The following RAB37 variants were observed in gnomAD, a reference collection of about 807,000 sequenced individuals.
The protein encoded by RAB37 is RAB37, member RAS oncogene family, also known as ras-related protein Rab-37.
RAB37 carries 29 observed loss-of-function variants against 33.1 expected under a neutral mutation model. The ratio of observed to expected loss-of-function variants is 0.88; its 90% CI spans 0.65 to 1.20. RAB37 has a LOEUF of 1.20. Ranked by LOEUF, RAB37 falls within the 50% of genes most tolerant of loss-of-function variation. The pLI is 0.00. For missense variants in RAB37, 299 were observed against 301.1 expected (o/e 0.99, Z 0.05); for synonymous variants, 128 against 119.5 (o/e 1.07, Z -0.47).
intron 1 of RAB37, among the ~76,000 whole-genome samples, chr17:74,723,610 ACT>A (rs2034269440): frequency 7.6e-6 from 1 of 132,150 alleles, no homozygotes; most frequent in Non-Finnish European, 1.5e-5. Flanking sequence ...ACGGAGTCTC[ACT>A]CTGTCGCCCA....
rs1158894985 is a variant in RAB37 at position 74,737,353 on chromosome 17, C to A, written c.81C>A (p.Asp27Glu). 1 of 1,574,290 alleles carries A rather than the reference C, an allele frequency of 6.4e-7. No homozygotes were observed. Among genetic ancestry groups the A allele is most frequent in the South Asian group, 1.1e-5 (1 of 87,032 alleles). The change falls in exon 1 of 9, where the codon GAC becomes GAA. Residue 27 changes from aspartate (D) to glutamate (E), a missense_variant. Transcript: ENST00000392613. ...ERSPPCSPSY[D>E]LTGKVMLLGD... Reference sequence around the variant, plus strand: ...CCCCGCCCTGCAGTCCGAGCTACGACCTCACGGGCAAGGTGGGTGGGCCTC... The same window carrying A: ...CCCCGCCCTGCAGTCCGAGCTACGAACTCACGGGCAAGGTGGGTGGGCCTC...
In RAB37 at chr17:74,745,456, G is replaced by T; in HGVS notation, c.*45G>T. On this transcript the variant is annotated 3_prime_UTR_variant, in exon 9 of 9. Transcript: ENST00000392613. This position sits in a 1 kb window ranked among gnomAD's most constrained non-coding sequence, Gnocchi z 4.5. ...AGGCTCTGGAGGCACACAGGATGCAGCCTTCCCCCTCCCAGGCCTGGCTTA... is the reference window on the plus strand; with the variant it reads ...AGGCTCTGGAGGCACACAGGATGCATCCTTCCCCCTCCCAGGCCTGGCTTA... 6.7e-7 allele frequency: 1 copy of T among 1,489,786 alleles called. No homozygotes were observed. Among genetic ancestry groups the T allele is most frequent in the Non-Finnish European group, 9.4e-7 (1 of 1,067,568 alleles). 92.3% of individuals were successfully genotyped at this position (1,489,786 alleles called of 1,614,324 possible). A position where few individuals can be genotyped will look rare whatever the true frequency, so the allele number is the denominator to read the frequency against.
chr17:74,711,626 C>G (rs962903895), intron 1 of RAB37, among the ~76,000 whole-genome samples: 1 of 152,164 alleles, frequency 6.6e-6, no homozygotes, highest in Admixed American at 6.5e-5. Context: ...GTGCCCAGTC[C>G]AAGCTCATTC....
At position 74,729,484 on chromosome 17, in the gene RAB37, G is replaced by A. The variant is rs1245749079; in HGVS notation, c.183+118G>A. ...CATTGGATCATTCAAGGAGGATTAA[G>A]GAGAAGACTGTTCCCCAAGGTGTAG... is the stretch of plus-strand genomic sequence containing the variant. On this transcript the variant is annotated intron_variant, in intron 2 of 7. Transcript: ENST00000340415. This position sits in a 1 kb window ranked among gnomAD's most constrained non-coding sequence, Gnocchi z 4.2. 172 of 770,842 alleles carry A rather than the reference G, an allele frequency of 2.2e-4. No individual in the cohort carries two copies. The highest frequency in any genetic ancestry group is 1.9e-5 in the Non-Finnish European group (8 of 430,252). 47.8% of individuals were successfully genotyped at this position (770,842 alleles called of 1,614,324 possible).
rs1035279227 is a variant in RAB37, at chr17:74,745,668, C to A, written c.*257C>A. The stretch of plus-strand genomic sequence containing the variant: ...ATACCAAAAAAGGCGCCTGGATCCC[C>A]AAAAAACCGAGGCTGGGAGCTAGTG... On this transcript the variant is annotated 3_prime_UTR_variant, in exon 9 of 9. Transcript: ENST00000392613. This position sits in a 1 kb window ranked among gnomAD's most constrained non-coding sequence, Gnocchi z 4.5. 3.9e-5 allele frequency: 15 copies of A among 384,812 alleles called. No individual in the cohort carries two copies. The highest frequency in any genetic ancestry group is 2.9e-4 in the African/African-American group (14 of 47,726). 23.8% of individuals were successfully genotyped at this position (384,812 alleles called of 1,614,324 possible). A position where few individuals can be genotyped will look rare whatever the true frequency, so the allele number is the denominator to read the frequency against.
rs888582674 is a variant in RAB37 at position 74,720,715 on chromosome 17, G to T, written c.73-8541G>T. On this transcript the variant is annotated intron_variant, in intron 1 of 7. Coordinates refer to the RAB37 transcript ENST00000340415. The stretch of plus-strand genomic sequence containing the variant: ...CAGCCTTTTTACACCCTGCCCTCTT[G>T]GTACAGAGTTAAGTGTTAACCAGCT... Among the ~76,000 whole-genome samples, 3 of 152,182 alleles carry T rather than the reference G, an allele frequency of 2.0e-5. No homozygotes were observed. In the East Asian group the frequency reaches 5.8e-4, roughly 29 times the overall value.
upstream of RAB37, chr17:74,736,683 C>T (rs1161237826): frequency 2.0e-6 from 3 of 1,535,736 alleles, no homozygotes; most frequent in Non-Finnish European, 2.6e-6. Context: ...GTCAAAGTCC[C>T]CGCACCAGGC....
intron 1 of RAB37, among the ~76,000 whole-genome samples, chr17:74,720,704 C>A (rs1355664271): frequency 6.6e-6 from 1 of 152,126 alleles, no homozygotes; most frequent in Non-Finnish European, 1.5e-5. Context: ...CTTTTTACAC[C>A]CTGCCCTCTT....
In RAB37 at chr17:74,743,246, G is replaced by A. The variant is rs76256618; in HGVS notation, c.314-42G>A. ...CTACCCCAGCCCCTTGGTAGCATCC[G>A]TGCTGCTGCCTAAGTCCCCTCTGTG... is the stretch of plus-strand genomic sequence containing the variant. On this transcript the variant is annotated intron_variant, in intron 4 of 8. Coordinates refer to ENST00000392613, the MANE Select transcript of RAB37 (RefSeq NM_001006638.3). The A allele has an allele frequency of 2.8e-4, 448 of 1,613,560 alleles. 1 individual carries two copies. In the East Asian group the frequency reaches 8.5e-3, roughly 31 times the overall value.
chr17:74,728,218 A>G (rs924238430), intron 1 of RAB37, among the ~76,000 whole-genome samples: 1 of 150,382 alleles, frequency 6.6e-6, no homozygotes, highest in Admixed American at 6.6e-5. Flanking sequence ...GTGTGTTTGC[A>G]TGTGTGCTTG....
In RAB37 at chr17:74,742,194, T is replaced by A; in HGVS notation, c.205-60T>A. On this transcript the variant is annotated intron_variant, in intron 2 of 8. Coordinates refer to ENST00000392613, the MANE Select transcript of RAB37 (RefSeq NM_001006638.3). This position sits in a 1 kb window ranked among gnomAD's most constrained non-coding sequence, Gnocchi z 4.0. ...TGGAGAGGGAACAAGACAGGACGTC[T>A]GCAGAGCTGAGGAGCCACATGACTC... The A allele has an allele frequency of 6.3e-7, 1 of 1,595,196 alleles. No individual in the cohort carries two copies. Among genetic ancestry groups the A allele is most frequent in the Non-Finnish European group, 8.5e-7 (1 of 1,170,118 alleles).
chr17:74,736,741 G>C, upstream of RAB37: 1 of 1,535,714 alleles, frequency 6.5e-7, no homozygotes, highest in Non-Finnish European at 8.7e-7. Flanking sequence ...GGCGAGTACG[G>C]GTTGGTAAAC....
intron 1 of RAB37, among the ~76,000 whole-genome samples, chr17:74,679,888 GA>G (rs2031917009): frequency 6.7e-6 from 1 of 150,150 alleles, no homozygotes; most frequent in Non-Finnish European, 1.5e-5. Context: ...TGAGGCAGGA[GA>G]ATTGCTTGAA....
Position 74,693,421 on chromosome 17 carries a change from T to C in RAB37, c.72+21763T>C, listed in dbSNP as rs146926814. Reference sequence around the variant, plus strand: ...TGGGAGAGAAACCATCAGAAGGCTATAAGCAGGGAGTAATCAGGTCTGTGC... The same window carrying C: ...TGGGAGAGAAACCATCAGAAGGCTACAAGCAGGGAGTAATCAGGTCTGTGC... On this transcript the variant is annotated intron_variant, in intron 1 of 7. Coordinates refer to the RAB37 transcript ENST00000340415. Among the ~76,000 whole-genome samples, 33 of 152,278 alleles carry C rather than the reference T, an allele frequency of 2.2e-4. 1 individual carries two copies. Among genetic ancestry groups the C allele is most frequent in the African/African-American group, 7.5e-4 (31 of 41,568 alleles).
At chr17:74,709,567 CT>C (rs552007025) in intron 1 of RAB37, among the ~76,000 whole-genome samples, 147 of 149,530 alleles carry the variant, frequency 9.8e-4, no homozygotes, top group Non-Finnish European at 1.7e-3. Context: ...CCAAATTATT[CT>C]TTTTTTTTTG....
At chr17:74,732,711 T>A (rs1314379964), upstream of RAB37, among the ~76,000 whole-genome samples, 224 of 68,684 alleles carry the variant, frequency 3.3e-3, no homozygotes, top group African/African-American at 4.4e-3. Flanking sequence ...GAGGGGTGTG[T>A]GGTGTGACGT....
At chr17:74,690,400 G>GA (rs2032137314) in intron 1 of RAB37, among the ~76,000 whole-genome samples, 1 of 151,994 alleles carries the variant, frequency 6.6e-6, no homozygotes, top group Non-Finnish European at 1.5e-5. Context: ...TGCTTTCCTG[G>GA]AAATCATATA....
intron 1 of RAB37, among the ~76,000 whole-genome samples, chr17:74,691,724 T>A (rs926430151): frequency 1.3e-5 from 2 of 152,230 alleles, no homozygotes; most frequent in African/African-American, 4.8e-5. Flanking sequence ...AAAAGATGAA[T>A]CCGTTTCTAT....
At chr17:74,699,077 C>T (rs991054161) in intron 1 of RAB37, among the ~76,000 whole-genome samples, 1 of 152,058 alleles carries the variant, frequency 6.6e-6, no homozygotes, top group Non-Finnish European at 1.5e-5. Context: ...CACCACCACA[C>T]CTAGCTAATT....
Sources: allele counts gnomAD v4.1 joint callset (sites outside exome capture counted in the v4.1 genomes callset), GRCh38; gene constraint gnomAD v4.1.1; non-coding constraint Gnocchi (gnomAD v3.1); transcripts MANE v1.5; gene names NCBI Gene and HGNC (gene_info 2026-07-23, HGNC 2026-07-21).